TMCC2: variants seen among roughly 807,000 people sequenced by gnomAD.
TMCC2 encodes the protein transmembrane and coiled-coil domain family 2, also known as transmembrane and coiled-coil domains protein 2.
TMCC2 carries 16 observed loss-of-function variants against 49.4 expected under a neutral mutation model. The ratio of observed to expected loss-of-function variants is 0.32; its 90% CI spans 0.22 to 0.49. The LOEUF (loss-of-function observed/expected upper bound fraction) is 0.49, where lower values mean the gene tolerates loss of function less well. Among genes scored for constraint, TMCC2 ranks in the 20% least tolerant of loss-of-function variants. The pLI is 0.99. For synonymous variants in TMCC2, 397 were observed against 434.1 expected (o/e 0.91, Z 1.06); for missense variants, 762 against 989.8 (o/e 0.77, Z 3.09).
intron 1 of TMCC2, among the ~76,000 whole-genome samples, chr1:205,232,104 G>A (rs1333542160): frequency 6.6e-6 from 1 of 152,176 alleles, no homozygotes; most frequent in Admixed American, 6.5e-5. Context: ...TGTTCCTTCA[G>A]CACTGTGGAC....
intron 2 of TMCC2, among the ~76,000 whole-genome samples, chr1:205,261,101 C>T (rs773307269): frequency 2.4e-4 from 37 of 152,040 alleles, no homozygotes; most frequent in Non-Finnish European, 8.8e-5. Context: ...TTGAGGAACT[C>T]CCAAACTGTT....
chr1:205,229,551 G>GGT, intron 1 of TMCC2: 2 of 694,102 alleles, frequency 2.9e-6, no homozygotes, highest in Non-Finnish European at 3.5e-6. Context: ...GGGGCGGGGG[G>GGT]GGGGGGGTGG....
At position 205,241,532 on chromosome 1, in the gene TMCC2, A is replaced by G. The variant is rs374024213; in HGVS notation, c.235A>G (p.Met79Val). Reference sequence around the variant, plus strand: ...AATCCAGCAGCTGTCAGAGGGCTCCATGTTTGGCCACGGTCTGAAGCACCT... The same window carrying G: ...AATCCAGCAGCTGTCAGAGGGCTCCGTGTTTGGCCACGGTCTGAAGCACCT... ...KKIQQLSEGS[M>V]FGHGLKHLFH... Residue 79 changes from methionine (M) to valine (V), a missense_variant, in exon 2 of 5, where the codon ATG becomes GTG. Met to Val is a conservative substitution (Grantham distance 21, BLOSUM62 1). Around this residue, in one of 2 missense-constraint regions of TMCC2, gnomAD observed 322 missense variants for 353.1 expected, o/e 0.91. Coordinates refer to ENST00000358024, the MANE Select transcript of TMCC2 (RefSeq NM_014858.4). This position sits in a 1 kb window ranked among gnomAD's most constrained non-coding sequence, Gnocchi z 7.3. 10 of 1,613,548 alleles carry G rather than the reference A, an allele frequency of 6.2e-6. No homozygotes were observed. The highest frequency in any genetic ancestry group is 5.9e-6 in the Non-Finnish European group (7 of 1,179,964).
intron 1 of TMCC2, chr1:205,229,562 T>TGGGGGGG (rs1659707258): frequency 4.4e-6 from 2 of 453,354 alleles, no homozygotes; most frequent in South Asian, 1.1e-4. Context: ...GGGGGGGTGG[T>TGGGGGGG]GGCGGGGGCG....
At chr1:205,229,562 T>TGGGG (rs1659707258) in intron 1 of TMCC2, 2 of 453,358 alleles carry the variant, frequency 4.4e-6, no homozygotes, top group Non-Finnish European at 4.8e-6. Flanking sequence ...GGGGGGGTGG[T>TGGGG]GGCGGGGGCG....
At chr1:205,257,199 C>A in intron 2 of TMCC2, 1 of 1,232,500 alleles carries the variant, frequency 8.1e-7, no homozygotes, top group South Asian at 4.1e-5. Flanking sequence ...GTGCCTCAGT[C>A]TGGAGATGGC....
At position 205,269,419 on chromosome 1, in the gene TMCC2, T is replaced by G; in HGVS notation, c.1217T>G (p.Val406Gly). ...SGFGGGVVEG[V>G]KGSLSGLSQA... ...TTTGGGGGCGGCGTGGTGGAGGGCG[T>G]CAAGGGCAGCCTCTCTGGCCTCTCA... Residue 406 changes from valine to glycine, a missense_variant, in exon 3 of 5, where the codon GTC (valine) becomes GGC (glycine). Physicochemically the swap from Val to Gly is moderately radical, Grantham distance 109. This residue lies in a region of TMCC2 where 440 missense variants were observed against 636.7 expected (regional missense o/e 0.69). Coordinates refer to ENST00000358024, the MANE Select transcript of TMCC2 (RefSeq NM_014858.4). 1 of 1,605,916 alleles carries G rather than the reference T, an allele frequency of 6.2e-7. No individual in the cohort carries two copies. Among genetic ancestry groups the G allele is most frequent in the Non-Finnish European group, 8.5e-7 (1 of 1,174,456 alleles).
In TMCC2 at chr1:205,269,050, A is replaced by G. The variant is rs779609289; in HGVS notation, c.848A>G (p.Gln283Arg). 1.2e-6 allele frequency: 2 copies of G among 1,613,610 alleles called. No homozygotes were observed. The highest frequency in any genetic ancestry group is 2.2e-5 in the East Asian group (1 of 44,872). Residue 283 changes from glutamine (Q) to arginine (R), a missense_variant, in exon 3 of 5, where the codon CAG becomes CGG. Physicochemically the swap from Gln to Arg is conservative, Grantham distance 43 (BLOSUM62 1). Coordinates refer to ENST00000358024, the MANE Select transcript of TMCC2 (RefSeq NM_014858.4). ...LDVPDGAPDP[Q>R]RTKAAIDHLH... ...GTGCCCGATGGGGCACCGGACCCCCAGCGGACCAAGGCCGCCATTGACCAC... is the reference window on the plus strand; with the variant it reads ...GTGCCCGATGGGGCACCGGACCCCCGGCGGACCAAGGCCGCCATTGACCAC...
chr1:205,228,411 A>C lies in TMCC2; in HGVS notation c.-154A>C. ...CGCCCCTCCCTCACCCGCCTTTAAG[A>C]ATTTTTTTTTTAATTCAAGAAATTG... On this transcript the variant is annotated 5_prime_UTR_variant, in exon 1 of 5. Transcript: ENST00000358024. 1 of 623,014 alleles carries C rather than the reference A, an allele frequency of 1.6e-6. No individual in the cohort carries two copies. The highest frequency in any genetic ancestry group is 2.7e-6 in the Non-Finnish European group (1 of 373,858). The allele number at this position is 623,014 out of a possible 1,614,324, so 38.6% of individuals were successfully genotyped here. A position where few individuals can be genotyped will look rare whatever the true frequency, so the allele number is the denominator to read the frequency against.
chr1:205,270,213 AT>A (rs1157012309), intron 3 of TMCC2, among the ~76,000 whole-genome samples: 16 of 151,984 alleles, frequency 1.1e-4, no homozygotes. Flanking sequence ...CACCCCGCTA[AT>A]TTTTTGTATT....
At chr1:205,242,145 G>T in intron 2 of TMCC2, 101 bp downstream of exon 2, 1 of 1,293,534 alleles carries the variant, frequency 7.7e-7, no homozygotes, top group Non-Finnish European at 1.0e-6. Flanking sequence ...CTCCCTGGCA[G>T]ATACTGACAC....
intron 2 of TMCC2, chr1:205,257,387 A>G: frequency 8.1e-7 from 1 of 1,232,268 alleles, no homozygotes; most frequent in Non-Finnish European, 1.0e-6. Flanking sequence ...TGGTGGGTGG[A>G]AGGAGAGAAT....
intron 2 of TMCC2, chr1:205,256,157 G>A (rs11240402): frequency 0.21 from 286,143 of 1,372,952 alleles, 32,983 homozygotes; most frequent in East Asian, 0.43. Context: ...AACGTGACGC[G>A]TGTCGGCCAT....
Position 205,269,332 on chromosome 1 carries a change from T to C in TMCC2, c.1130T>C (p.Leu377Pro), listed in dbSNP as rs1307384658. Residue 377 changes from leucine to proline, a missense_variant, in exon 3 of 5, where the codon CTG becomes CCG. Leu to Pro is a moderately conservative substitution (Grantham distance 98, BLOSUM62 -3). This residue lies in a region of TMCC2 where 440 missense variants were observed against 636.7 expected (regional missense o/e 0.69). Coordinates refer to ENST00000358024, the MANE Select transcript of TMCC2 (RefSeq NM_014858.4). ...CCCTCGCGGCAGCCCAAGGACGTGC[T>C]GCGGGACATGCAGCAGGGGCTGAAG... ...NGPSRQPKDV[L>P]RDMQQGLKDV... 6.2e-7 allele frequency: 1 copy of C among 1,613,256 alleles called. No individual in the cohort carries two copies. Among genetic ancestry groups the C allele is most frequent in the Non-Finnish European group, 8.5e-7 (1 of 1,179,876 alleles).
rs79622699 is a variant in TMCC2 at position 205,237,269 on chromosome 1, T to G, written c.208-4236T>G. Among the ~76,000 whole-genome samples the G allele has an allele frequency of 9.0e-3, 1,364 of 152,208 alleles. 23 individuals are homozygous for G. Among genetic ancestry groups the G allele is most frequent in the African/African-American group, 0.032 (1,309 of 41,512 alleles). On this transcript the variant is annotated intron_variant, in intron 1 of 4. Transcript: ENST00000358024. ...CAATTGGAGACTTCTTCAATCCACT[T>G]TGGATCCTAAGAGTAGAACTCTGTG...
chr1:205,260,087 ACT>A (rs1426330633), intron 2 of TMCC2, among the ~76,000 whole-genome samples: 2 of 151,154 alleles, frequency 1.3e-5, no homozygotes, highest in African/African-American at 4.9e-5. Context: ...AAGAAGTATG[ACT>A]CTCCCTCCAC....
chr1:205,268,889 C>T lies in TMCC2; in HGVS notation c.748-61C>T, dbSNP rs553661065. 3.2e-5 allele frequency: 49 copies of T among 1,538,994 alleles called. 1 individual carries two copies. The African/African-American group carries it at 4.7e-4, about 15-fold the overall frequency. ...TAGAAAAACCAAGTCCAGAGGCATC[C>T]AGGGGCACTCCTATGGTCCCAGGGT... On this transcript the variant is annotated intron_variant, in intron 2 of 4. Transcript: ENST00000358024.
chr1:205,233,871 A>G (rs1574827249), intron 1 of TMCC2: 1 of 151,308 alleles, frequency 6.6e-6, no homozygotes, highest in Non-Finnish European at 1.5e-5. Flanking sequence ...TTTTTTTTTA[A>G]AGGGTAGTCA....
intron 2 of TMCC2, among the ~76,000 whole-genome samples, chr1:205,245,844 C>T (rs1660431793): frequency 1.3e-5 from 2 of 149,896 alleles, no homozygotes; most frequent in Non-Finnish European, 1.5e-5. Context: ...TCATCCATCT[C>T]GGCTCACTGC....
Sources: allele counts gnomAD v4.1 joint callset (sites outside exome capture counted in the v4.1 genomes callset), GRCh38; gene constraint gnomAD v4.1.1; regional missense constraint gnomAD v4.1.1; non-coding constraint Gnocchi (gnomAD v3.1); transcripts MANE v1.5; gene names NCBI Gene and HGNC (gene_info 2026-07-23, HGNC 2026-07-21).